CUL2: variants seen among roughly 807,000 people sequenced by gnomAD.
The protein encoded by CUL2 is cullin-2.
Under a neutral mutation model 110.2 loss-of-function variants are expected in CUL2, and 22 were observed. The ratio of observed to expected loss-of-function variants is 0.20; its 90% CI spans 0.14 to 0.28. The LOEUF (loss-of-function observed/expected upper bound fraction) is 0.28. Ranked by LOEUF, CUL2 falls within the 10% of genes least tolerant of loss-of-function variation. The probability of loss-of-function intolerance (pLI) is 1.00; values close to 1 mark genes in which losing one functional copy is unlikely to be tolerated. For missense variants in CUL2, 631 were observed against 905.5 expected, an observed-to-expected ratio of 0.70 and a Z score of 3.89; for synonymous variants, 279 against 293.2, an observed-to-expected ratio of 0.95 and a Z score of 0.49.
intron 16 of CUL2, among the ~76,000 whole-genome samples, chr10:35,025,939 A>T (rs1399996011): frequency 6.6e-6 from 1 of 152,212 alleles, no homozygotes; most frequent in Non-Finnish European, 1.5e-5. Context: ...TACCATATAT[A>T]ACATACTTAA....
chr10:35,121,364 A>G (rs1423325523), intron 1 of CUL2, among the ~76,000 whole-genome samples: 1 of 152,194 alleles, frequency 6.6e-6, no homozygotes, highest in Non-Finnish European at 1.5e-5. Flanking sequence ...AGTAGCAGCA[A>G]CTATAGGCAC....
At chr10:35,062,032 T>G (rs1483164175) in intron 3 of CUL2, among the ~76,000 whole-genome samples, 1 of 152,182 alleles carries the variant, frequency 6.6e-6, no homozygotes, top group Non-Finnish European at 1.5e-5. Context: ...AAGGTAGTTG[T>G]TAAGTGAGTT....
chr10:35,010,290 C>A lies in CUL2; in HGVS notation c.*21G>T. 1.3e-6 allele frequency: 2 copies of A among 1,580,980 alleles called. No individual in the cohort carries two copies. The highest frequency in any genetic ancestry group is 1.2e-5 in the South Asian group (1 of 86,132). On this transcript the variant is annotated 3_prime_UTR_variant, in exon 21 of 21. Coordinates refer to ENST00000374749, the MANE Select transcript of CUL2 (RefSeq NM_003591.4). ...TGGTGATGGCAATGATCTTCTCACA[C>A]CACGCTGGAGGAGAGCGACATCACG...
intron 1 of CUL2, among the ~76,000 whole-genome samples, chr10:35,125,247 G>A (rs1259179363): frequency 6.6e-6 from 1 of 152,138 alleles, no homozygotes; most frequent in Admixed American, 6.5e-5. Context: ...GTAAGTATGT[G>A]TATCTCACCT....
intron 8 of CUL2, among the ~76,000 whole-genome samples, chr10:35,042,976 T>G (rs556005420): frequency 6.6e-6 from 1 of 152,092 alleles, no homozygotes; most frequent in South Asian, 2.1e-4. Context: ...AGAGTTGAAC[T>G]GGAGGACACC....
chr10:35,102,410 A>G (rs1305718458), intron 1 of CUL2, among the ~76,000 whole-genome samples: 3 of 151,732 alleles, frequency 2.0e-5, no homozygotes, highest in Non-Finnish European at 2.9e-5. Context: ...TGTCTCCACT[A>G]GAAATACAAA....
intron 18 of CUL2, among the ~76,000 whole-genome samples, chr10:35,014,481 A>G (rs78620025): frequency 2.6e-5 from 4 of 152,312 alleles, no homozygotes; most frequent in African/African-American, 9.6e-5. Context: ...CACTTGGAAG[A>G]TGAAATAATT....
chr10:35,027,143 CTTTTTTTT>C (rs35508150), intron 16 of CUL2, among the ~76,000 whole-genome samples: 1 of 127,592 alleles, frequency 7.8e-6, no homozygotes, highest in Non-Finnish European at 1.7e-5. Flanking sequence ...ACTTTAGATA[CTTTTTTTT>C]TTTTTTTTTT....
chr10:35,086,746 A>T lies in CUL2; in HGVS notation c.-23+3433T>A, dbSNP rs564405436. ...AATAAATAAATAAATAAATAAATGAACTTAACAAGGGCAGGGACCAAATCA... is the reference window on the plus strand; with the variant it reads ...AATAAATAAATAAATAAATAAATGATCTTAACAAGGGCAGGGACCAAATCA... On this transcript the variant is annotated intron_variant, in intron 1 of 20. Transcript: ENST00000374749. 2.0e-5 allele frequency among the ~76,000 whole-genome samples: 3 copies of T among 152,208 alleles called. No individual in the cohort carries two copies. The South Asian group carries it at 6.2e-4, about 32-fold the overall frequency.
intron 1 of CUL2, among the ~76,000 whole-genome samples, chr10:35,107,989 T>A (rs2087482688): frequency 6.6e-6 from 1 of 151,974 alleles, no homozygotes; most frequent in Non-Finnish European, 1.5e-5. Flanking sequence ...TTATTGCTAA[T>A]GTGGCACTTA....
chr10:35,106,574 C>T (rs745727814), intron 1 of CUL2, among the ~76,000 whole-genome samples: 8 of 151,716 alleles, frequency 5.3e-5, no homozygotes, highest in South Asian at 4.2e-4. Flanking sequence ...CCTCATGATC[C>T]GCCCACCTCG....
chr10:35,039,877 G>A (rs1311206309), intron 8 of CUL2, among the ~76,000 whole-genome samples: 1 of 149,774 alleles, frequency 6.7e-6, no homozygotes, highest in African/African-American at 2.5e-5. Flanking sequence ...ATAAGGCCAG[G>A]CAAGGTGGCT....
intron 10 of CUL2, 61 bp from the exon 11 acceptor site, chr10:35,033,334 G>T: frequency 8.8e-7 from 1 of 1,141,752 alleles, no homozygotes; most frequent in Non-Finnish European, 1.3e-6. Flanking sequence ...TCCAAACTAT[G>T]AGGTTTATTA....
At chr10:35,072,434 T>A (rs1240602455) in intron 1 of CUL2, among the ~76,000 whole-genome samples, 1 of 151,550 alleles carries the variant, frequency 6.6e-6, no homozygotes, top group Admixed American at 6.6e-5. Flanking sequence ...AGTGGCGCAA[T>A]CTCGGCTCAC....
At chr10:35,017,753 G>C (rs2085073257) in intron 17 of CUL2, among the ~76,000 whole-genome samples, 1 of 151,312 alleles carries the variant, frequency 6.6e-6, no homozygotes, top group African/African-American at 2.4e-5. Flanking sequence ...GATAGAGCAA[G>C]TATTATGTAT....
Position 35,027,394 on chromosome 10 carries a change from T to C in CUL2, c.1617+1416A>G, listed in dbSNP as rs550171123. Among the ~76,000 whole-genome samples, 15 of 152,248 alleles carry C rather than the reference T, an allele frequency of 9.9e-5. No individual in the cohort carries two copies. In the South Asian group the frequency reaches 3.1e-3, roughly 32 times the overall value. ...CTCCTGACCTCATGATCCGCCCGCC[T>C]CGGCCTCCCAAGGTGCTGGGATTAC... is the stretch of plus-strand genomic sequence containing the variant. On this transcript the variant is annotated intron_variant, in intron 16 of 20. Transcript: ENST00000374749.
intron 10 of CUL2, among the ~76,000 whole-genome samples, chr10:35,034,462 TA>T (rs2085568308): frequency 6.6e-6 from 1 of 152,178 alleles, no homozygotes; most frequent in Non-Finnish European, 1.5e-5. Flanking sequence ...TAACAGCCTC[TA>T]AAAAGTGCTC....
In CUL2 at chr10:35,084,951, C is replaced by T. The variant is rs530767198; in HGVS notation, c.-23+5228G>A. On this transcript the variant is annotated intron_variant, in intron 1 of 20. Coordinates refer to ENST00000374749, the MANE Select transcript of CUL2 (RefSeq NM_003591.4). ...TGGCCAACATGGTGAAACCCCGTCTCTACTAAAAATACAAAAAAATTAGCT... is the reference window on the plus strand; with the variant it reads ...TGGCCAACATGGTGAAACCCCGTCTTTACTAAAAATACAAAAAAATTAGCT... 2.0e-5 allele frequency among the ~76,000 whole-genome samples: 3 copies of T among 152,036 alleles called. No homozygotes were observed. The South Asian group carries it at 6.2e-4, about 32-fold the overall frequency.
intron 2 of CUL2, among the ~76,000 whole-genome samples, chr10:35,064,987 T>C (rs1329308120): frequency 6.6e-6 from 1 of 152,218 alleles, no homozygotes. Context: ...ACTGTTGGAC[T>C]CCTTCAGAAT....
Sources: allele counts gnomAD v4.1 joint callset (sites outside exome capture counted in the v4.1 genomes callset), GRCh38; gene constraint gnomAD v4.1.1; transcripts MANE v1.5; gene names NCBI Gene and HGNC (gene_info 2026-07-23, HGNC 2026-07-21).